THADA: variants seen among roughly 807,000 people sequenced by gnomAD.
THADA encodes the protein THADA armadillo repeat containing, also known as tRNA (32-2'-O)-methyltransferase regulator THADA.
In THADA, 213 loss-of-function variants were observed where a neutral mutation model predicts 219.8. The ratio of observed to expected loss-of-function variants is 0.97; its 90% CI spans 0.87 to 1.09. THADA has a LOEUF of 1.09. THADA is among the 50% of genes least tolerant of loss of function. THADA has a pLI of 0.00. For synonymous variants in THADA, 1,018 were observed against 828.9 expected (o/e 1.23, Z -3.92); for missense variants, 2,956 against 2,311.3 (o/e 1.28, Z -5.72).
At chr2:43,450,707 T>C (rs1013145770) in intron 26 of THADA, among the ~76,000 whole-genome samples, 2 of 152,028 alleles carry the variant, frequency 1.3e-5, no homozygotes, top group Admixed American at 6.6e-5. Context: ...AAAAAAAACA[T>C]GATCCAACTA....
At chr2:43,569,785 G>A (rs1424746787) in intron 14 of THADA, among the ~76,000 whole-genome samples, 2 of 152,148 alleles carry the variant, frequency 1.3e-5, no homozygotes, top group East Asian at 1.9e-4. Context: ...GGCTAGATTT[G>A]GGGGAAGAAC....
intron 30 of THADA, among the ~76,000 whole-genome samples, chr2:43,339,094 CTT>C (rs1305010604): frequency 6.6e-6 from 1 of 152,144 alleles, no homozygotes; most frequent in Non-Finnish European, 1.5e-5. Flanking sequence ...ACATACAACT[CTT>C]AACCAATAAT....
At chr2:43,439,644 A>G (rs1680592146) in intron 26 of THADA, among the ~76,000 whole-genome samples, 1 of 152,298 alleles carries the variant, frequency 6.6e-6, no homozygotes, top group Non-Finnish European at 1.5e-5. Flanking sequence ...ATTATTAGTT[A>G]TTGTTGTTAA....
intron 36 of THADA, among the ~76,000 whole-genome samples, chr2:43,249,601 G>A (rs1172024175): frequency 1.3e-5 from 2 of 152,164 alleles, no homozygotes; most frequent in Non-Finnish European, 2.9e-5. Flanking sequence ...CTAGTTGCAG[G>A]AAAAAGTAAG....
At chr2:43,501,215 A>G (rs1265104124) in intron 24 of THADA, among the ~76,000 whole-genome samples, 1 of 142,610 alleles carries the variant, frequency 7.0e-6, no homozygotes, top group African/African-American at 2.6e-5. Flanking sequence ...CTGAGGCAGG[A>G]GGATTGCTTG....
intron 29 of THADA, among the ~76,000 whole-genome samples, chr2:43,382,147 T>C (rs1427676609): frequency 6.6e-6 from 1 of 152,048 alleles, no homozygotes. Context: ...AGATACGACA[T>C]CTAAATGTAA....
intron 31 of THADA, among the ~76,000 whole-genome samples, chr2:43,313,974 A>G (rs1271207154): frequency 6.6e-6 from 1 of 152,240 alleles, no homozygotes; most frequent in Non-Finnish European, 1.5e-5. Flanking sequence ...GAACATTAGT[A>G]CTTTCTTCAT....
At chr2:43,257,833 C>T (rs1670499187) in intron 36 of THADA, among the ~76,000 whole-genome samples, 1 of 151,986 alleles carries the variant, frequency 6.6e-6, no homozygotes. Context: ...TCAGTGAGAG[C>T]AAAATGAGGA....
intron 31 of THADA, 93 bp from the exon 32 acceptor site, chr2:43,293,306 G>C: frequency 8.5e-6 from 12 of 1,408,742 alleles, no homozygotes; most frequent in Non-Finnish European, 1.0e-5. Flanking sequence ...CACTGCGTGA[G>C]GCCATCAGAT....
rs892099717 is a variant in THADA, at chr2:43,593,588, G to A, written c.-24-1172C>T. ...AGAGCCTTAAAACAGCTGCTAGACT[G>A]TTTTGGAGAAAAAGGGAATAGATTT... On this transcript the variant is annotated intron_variant, in intron 1 of 37. Transcript: ENST00000405975. Among the ~76,000 whole-genome samples, 3 of 147,606 alleles carry A rather than the reference G, an allele frequency of 2.0e-5. No homozygotes were observed. The South Asian group carries it at 6.4e-4, about 32-fold the overall frequency.
At chr2:43,305,451 A>G (rs1676743116) in intron 31 of THADA, among the ~76,000 whole-genome samples, 1 of 151,960 alleles carries the variant, frequency 6.6e-6, no homozygotes, top group African/African-American at 2.4e-5. Context: ...GGTTCTCTGA[A>G]CCCCATCATC....
chr2:43,462,198 A>G (rs1683717034), intron 26 of THADA, among the ~76,000 whole-genome samples: 1 of 152,218 alleles, frequency 6.6e-6, no homozygotes, highest in Admixed American at 6.5e-5. Flanking sequence ...GCAACAAAGG[A>G]GAAAACTCTG....
chr2:43,247,037 G>A (rs1669228140), intron 36 of THADA, among the ~76,000 whole-genome samples: 1 of 152,188 alleles, frequency 6.6e-6, no homozygotes, highest in Admixed American at 6.5e-5. Context: ...AAACTGTTGC[G>A]GGATGGATTG....
intron 30 of THADA, among the ~76,000 whole-genome samples, chr2:43,337,513 A>T (rs1056666586): frequency 6.6e-6 from 1 of 152,158 alleles, no homozygotes; most frequent in African/African-American, 2.4e-5. Flanking sequence ...CCTCAACTGA[A>T]TTTTTTATAT....
chr2:43,344,659 T>G (rs1005391436), intron 29 of THADA, among the ~76,000 whole-genome samples: 1 of 152,266 alleles, frequency 6.6e-6, no homozygotes, highest in Non-Finnish European at 1.5e-5. Flanking sequence ...TAAACTGGTT[T>G]ACATGTCTGA....
At chr2:43,469,044 G>C (rs1396665857) in intron 26 of THADA, among the ~76,000 whole-genome samples, 2 of 152,176 alleles carry the variant, frequency 1.3e-5, no homozygotes, top group Admixed American at 1.3e-4. Flanking sequence ...ATACAAGGGA[G>C]TATGAGCCCC....
At chr2:43,535,785 GA>G (rs997915941) in intron 21 of THADA, among the ~76,000 whole-genome samples, 3 of 147,900 alleles carry the variant, frequency 2.0e-5, no homozygotes, top group African/African-American at 7.5e-5. Flanking sequence ...TTATTGTTTT[GA>G]AGGTCTTTTA....
chr2:43,571,327 C>T (rs1196783435), intron 13 of THADA, among the ~76,000 whole-genome samples: 1 of 150,034 alleles, frequency 6.7e-6, no homozygotes, highest in Non-Finnish European at 1.5e-5. Context: ...TCTCGGCTCA[C>T]TGCAACCTCC....
At chr2:43,538,284 G>C (rs1428798756) in intron 21 of THADA, 1 of 152,202 alleles carries the variant, frequency 6.6e-6, no homozygotes, top group African/African-American at 2.4e-5. Flanking sequence ...AGGAAGTTGT[G>C]AGATAAGGTT....
Sources: allele counts gnomAD v4.1 joint callset (sites outside exome capture counted in the v4.1 genomes callset), GRCh38; gene constraint gnomAD v4.1.1; transcripts MANE v1.5; gene names NCBI Gene and HGNC (gene_info 2026-07-23, HGNC 2026-07-21).